BACH2: variants seen among roughly 807,000 people sequenced by gnomAD.
BACH2 encodes the protein BACH transcriptional regulator 2.
In BACH2, 5 loss-of-function variants were observed where a neutral mutation model predicts 61.8. The ratio of observed to expected loss-of-function variants is 0.08; its 90% confidence interval spans 0.04 to 0.17. The LOEUF (loss-of-function observed/expected upper bound fraction) is 0.17. BACH2 is among the 10% of genes least tolerant of loss of function. The pLI is 1.00. For missense variants in BACH2, 824 were observed against 1,091.1 expected, an observed-to-expected ratio of 0.76 and a Z score of 3.45; for synonymous variants, 446 against 440.1, an observed-to-expected ratio of 1.01 and a Z score of -0.17.
intron 4 of BACH2, among the ~76,000 whole-genome samples, chr6:90,172,570 C>G (rs1353969159): frequency 6.6e-6 from 1 of 151,644 alleles, no homozygotes; most frequent in East Asian, 1.9e-4. Context: ...ATAAAAAAAG[C>G]TCTGGGGGAA....
At chr6:90,096,001 T>A (rs986091467) in intron 4 of BACH2, among the ~76,000 whole-genome samples, 2 of 152,170 alleles carry the variant, frequency 1.3e-5, no homozygotes, top group Admixed American at 1.3e-4. Flanking sequence ...TCCTTTCCTG[T>A]ACAACACTGC....
chr6:90,071,370 G>A (rs969060936), intron 5 of BACH2, among the ~76,000 whole-genome samples: 3 of 152,188 alleles, frequency 2.0e-5, no homozygotes, highest in Admixed American at 2.0e-4. Context: ...GCAGCCAGTG[G>A]GCTATGGCAT....
Position 89,932,397 on chromosome 6 carries a change from G to C in BACH2, c.*11C>G. On this transcript the variant is annotated 3_prime_UTR_variant, in exon 9 of 9. Transcript: ENST00000257749. Reference sequence around the variant, plus strand: ...GGAGAGGTGTGCGGACTGGGAGGCAGAGCCGAGTCACTAGGTATAATCTTT... The same window carrying C: ...GGAGAGGTGTGCGGACTGGGAGGCACAGCCGAGTCACTAGGTATAATCTTT... 1 of 1,602,858 alleles carries C rather than the reference G, an allele frequency of 6.2e-7. No individual in the cohort carries two copies. The highest frequency in any genetic ancestry group is 8.5e-7 in the Non-Finnish European group (1 of 1,170,708).
chr6:89,928,587 C>T lies in BACH2; in HGVS notation c.*3821G>A, dbSNP rs1393035968. On this transcript the variant is annotated 3_prime_UTR_variant, in exon 9 of 9. Coordinates refer to ENST00000257749, the MANE Select transcript of BACH2 (RefSeq NM_021813.4). ...TAGCCAGTCCTCTCATGAGTCTTGTCGCTGGTCCTGGCTCCTTTTGAAGGA... is the reference window on the plus strand; with the variant it reads ...TAGCCAGTCCTCTCATGAGTCTTGTTGCTGGTCCTGGCTCCTTTTGAAGGA... 2.6e-5 allele frequency: 4 copies of T among 152,748 alleles called. No homozygotes were observed. The highest frequency in any genetic ancestry group is 6.5e-5 in the Admixed American group (1 of 15,278). The allele number at this position is 152,748 out of a possible 1,614,324, so 9.5% of individuals were successfully genotyped here.
At chr6:90,195,311 G>C (rs1010584118) in intron 4 of BACH2, among the ~76,000 whole-genome samples, 98 of 152,312 alleles carry the variant, frequency 6.4e-4, no homozygotes, top group African/African-American at 2.2e-3. Context: ...AGCAGACAGA[G>C]AGCAAGGAGA....
chr6:90,169,111 G>C (rs1767726535), intron 4 of BACH2, among the ~76,000 whole-genome samples: 1 of 151,764 alleles, frequency 6.6e-6, no homozygotes, highest in Admixed American at 6.6e-5. Flanking sequence ...ACACAGTTTG[G>C]AGCTGCAGGT....
intron 3 of BACH2, among the ~76,000 whole-genome samples, chr6:90,250,464 T>A (rs993012699): frequency 6.6e-6 from 1 of 152,186 alleles, no homozygotes; most frequent in Non-Finnish European, 1.5e-5. Context: ...CAAACACACA[T>A]GTAGTTTGTC....
chr6:89,960,758 C>T lies in BACH2; in HGVS notation c.244-8896G>A, dbSNP rs374751205. On this transcript the variant is annotated intron_variant, in intron 6 of 8. Coordinates refer to ENST00000257749, the MANE Select transcript of BACH2 (RefSeq NM_021813.4). ...AGACAAAGCAGAAATGCCCTTCTGG[C>T]GGGGTGCCACATGGCACCAGAGCTT... Among the ~76,000 whole-genome samples the T allele has an allele frequency of 7.2e-5, 11 of 152,302 alleles. No individual in the cohort carries two copies. In the East Asian group the frequency reaches 7.7e-4, roughly 11 times the overall value.
intron 2 of BACH2, among the ~76,000 whole-genome samples, chr6:90,271,356 C>A (rs1325979293): frequency 1.0e-4 from 6 of 60,116 alleles, no homozygotes; most frequent in Admixed American, 1.7e-4. Flanking sequence ...AAGATAAAAA[C>A]AACCCCATTT....
chr6:89,965,972 T>C (rs898938049), intron 6 of BACH2, among the ~76,000 whole-genome samples: 1 of 152,146 alleles, frequency 6.6e-6, no homozygotes, highest in African/African-American at 2.4e-5. Context: ...GCTGAAGACA[T>C]GTAGGTAGTT....
At chr6:90,025,908 A>AG (rs1290707457) in intron 5 of BACH2, among the ~76,000 whole-genome samples, 1 of 152,242 alleles carries the variant, frequency 6.6e-6, no homozygotes, top group African/African-American at 2.4e-5. Flanking sequence ...GAGTCAAACC[A>AG]GAGGGAGGAT....
intron 6 of BACH2, among the ~76,000 whole-genome samples, chr6:89,978,388 G>A (rs1410440022): frequency 1.3e-5 from 2 of 152,098 alleles, no homozygotes; most frequent in African/African-American, 4.8e-5. Context: ...AACAAGGATG[G>A]AGACCTCAAC....
chr6:90,157,373 G>T (rs1373167940), intron 4 of BACH2, among the ~76,000 whole-genome samples: 2 of 152,118 alleles, frequency 1.3e-5, no homozygotes. Context: ...AGTGAGATTG[G>T]GTTGTTAATT....
chr6:89,972,613 G>A (rs531069104), intron 6 of BACH2, among the ~76,000 whole-genome samples: 1 of 152,318 alleles, frequency 6.6e-6, no homozygotes, highest in African/African-American at 2.4e-5. Flanking sequence ...AAATTTTGGA[G>A]GAGGATAGGG....
chr6:90,168,839 A>ATTT (rs1277392160), intron 4 of BACH2, among the ~76,000 whole-genome samples: 5 of 152,336 alleles, frequency 3.3e-5, no homozygotes, highest in African/African-American at 1.2e-4. Flanking sequence ...GCTGGACACC[A>ATTT]CTACCTTATT....
At chr6:90,044,755 A>C (rs929353683) in intron 5 of BACH2, among the ~76,000 whole-genome samples, 1 of 152,186 alleles carries the variant, frequency 6.6e-6, no homozygotes, top group Admixed American at 6.5e-5. Flanking sequence ...AGAGAACGGA[A>C]AGAGTTAACG....
At chr6:90,164,351 A>G (rs1767529418) in intron 4 of BACH2, among the ~76,000 whole-genome samples, 2 of 152,316 alleles carry the variant, frequency 1.3e-5, no homozygotes, top group South Asian at 4.1e-4. Context: ...CACCCTCCCA[A>G]GACTAAACCA....
chr6:90,036,853 C>T (rs1779287816), intron 5 of BACH2, among the ~76,000 whole-genome samples: 1 of 152,054 alleles, frequency 6.6e-6, no homozygotes, highest in African/African-American at 2.4e-5. Flanking sequence ...CAGAAAGATC[C>T]CTTATACTCC....
chr6:90,002,803 A>G (rs1243335278), intron 6 of BACH2, among the ~76,000 whole-genome samples: 3 of 152,056 alleles, frequency 2.0e-5, no homozygotes, highest in Admixed American at 6.6e-5. Context: ...AAAACTCCCA[A>G]TTCTACCCGA....
Sources: gnomAD v4.1 joint callset for allele counts (sites outside exome capture counted in the v4.1 genomes callset) on GRCh38, gnomAD v4.1.1 for gene constraint, MANE v1.5 for transcripts, NCBI Gene and HGNC (gene_info 2026-07-23, HGNC 2026-07-21) for gene names.